PXDN: variants seen among roughly 807,000 people sequenced by gnomAD.
PXDN encodes peroxidasin.
Under a neutral mutation model 140.3 loss-of-function variants are expected in PXDN, and 77 were observed. That is an observed-to-expected ratio of 0.55 (90% CI 0.46 to 0.66). The LOEUF (loss-of-function observed/expected upper bound fraction) is 0.66. Ranked by LOEUF, PXDN falls within the 30% of genes least tolerant of loss-of-function variation. The probability of loss-of-function intolerance (pLI) is 0.00; values close to 1 mark genes in which losing one functional copy is unlikely to be tolerated. For missense variants in PXDN, 1,838 were observed against 2,039.5 expected, an observed-to-expected ratio of 0.90 and a Z score of 1.90; for synonymous variants, 911 against 857.4, an observed-to-expected ratio of 1.06 and a Z score of -1.09.
intron 1 of PXDN, among the ~76,000 whole-genome samples, chr2:1,712,028 C>G (rs1684797771): frequency 6.6e-6 from 1 of 152,020 alleles, no homozygotes; most frequent in Non-Finnish European, 1.5e-5. Context: ...TTTTAAAATT[C>G]TTGTCAATGA....
rs1572160803 is a variant in PXDN, at chr2:1,687,741, C to T, written c.345-38G>A. On this transcript the variant is annotated intron_variant, in intron 3 of 22. Transcript: ENST00000252804. The surrounding 1 kb of genome is among the most constrained non-coding windows in gnomAD (Gnocchi z 4.0). Reference sequence around the variant, plus strand: ...ACATTGGGGAGCATTAGCACACAGACAGGAGGTCAAACTTCAGACGGAAAA... The same window carrying T: ...ACATTGGGGAGCATTAGCACACAGATAGGAGGTCAAACTTCAGACGGAAAA... 2 of 1,425,960 alleles carry T rather than the reference C, an allele frequency of 1.4e-6. No individual in the cohort carries two copies. Among genetic ancestry groups the T allele is most frequent in the Admixed American group, 1.8e-5 (1 of 54,286 alleles). 88.3% of individuals were successfully genotyped at this position (1,425,960 alleles called of 1,614,324 possible).
chr2:1,725,858 C>T (rs1685167438), intron 1 of PXDN, among the ~76,000 whole-genome samples: 1 of 151,998 alleles, frequency 6.6e-6, no homozygotes, highest in Admixed American at 6.6e-5. Flanking sequence ...CAGAGAAATG[C>T]AAATCAAAAC....
At chr2:1,665,588 C>T (rs1486889950) in intron 10 of PXDN, among the ~76,000 whole-genome samples, 4 of 152,196 alleles carry the variant, frequency 2.6e-5, no homozygotes, top group African/African-American at 9.7e-5. Context: ...CACTGCTGTG[C>T]GTGCAGATTC....
intron 9 of PXDN, among the ~76,000 whole-genome samples, chr2:1,669,032 A>G (rs1449817480): frequency 1.3e-5 from 2 of 152,220 alleles, no homozygotes; most frequent in Non-Finnish European, 2.9e-5. Flanking sequence ...TCACAATAGC[A>G]AAGACTTGGA....
intron 6 of PXDN, among the ~76,000 whole-genome samples, chr2:1,682,277 T>C (rs1683924979): frequency 6.6e-6 from 1 of 152,162 alleles, no homozygotes; most frequent in Non-Finnish European, 1.5e-5. Flanking sequence ...CTATCAAATA[T>C]GGAAGTATTC....
rs570325371 is a variant in PXDN, at chr2:1,709,616, C to T, written c.201-16482G>A. Among the ~76,000 whole-genome samples, 17 of 152,320 alleles carry T rather than the reference C, an allele frequency of 1.1e-4. No homozygotes were observed. The East Asian group carries it at 1.2e-3, about 10-fold the overall frequency. ...TGCGCTCCTGACTGCGCTCCCACTC[C>T]GCACCTGCCCGGCCCCAGGAGGCCG... On this transcript the variant is annotated intron_variant, in intron 1 of 22. Transcript: ENST00000252804.
At chr2:1,744,572 T>A (rs1685648585), upstream of PXDN, 4 of 874,396 alleles carry the variant, frequency 4.6e-6, no homozygotes, top group East Asian at 1.2e-4. Context: ...GGGCGCCAGC[T>A]GTGCACATGC....
At chr2:1,705,332 A>ACTCCCCATGAGCCCAGATGCAGGGTGCGG (rs1684570566) in intron 1 of PXDN, among the ~76,000 whole-genome samples, 1 of 152,072 alleles carries the variant, frequency 6.6e-6, no homozygotes, top group South Asian at 2.1e-4. Context: ...GCCATGTGCC[A>ACTCCCCATGAGCCCAGATGCAGGGTGCGG]CTCCCCATGA....
rs754211103 is a variant in PXDN, at chr2:1,691,938, A to T, written c.334T>A (p.Leu112Ile). The T allele has an allele frequency of 4.0e-6, 6 of 1,500,712 alleles. No individual in the cohort carries two copies. The South Asian group carries it at 7.7e-5, about 19-fold the overall frequency. 93.0% of individuals were successfully genotyped at this position (1,500,712 alleles called of 1,614,324 possible). A position where few individuals can be genotyped will look rare whatever the true frequency, so the allele number is the denominator to read the frequency against. ...TGATCATTAACTTACAGATATTTTA[A>T]ATTTTCCAAGTCTTCAAATGCTCCA... ...PSGAFEDLEN[L>I]KYLYLYKNEI... The change falls in exon 3 of 23, where the codon TTA becomes ATA. Residue 112 changes from leucine to isoleucine, a missense_variant. This residue lies in a region of PXDN where 231 missense variants were observed against 201.5 expected (regional missense o/e 1.15). Transcript: ENST00000252804.
chr2:1,633,991 T>G lies in PXDN; in HGVS notation c.*213A>C, dbSNP rs1682479970. 1 of 548,876 alleles carries G rather than the reference T, an allele frequency of 1.8e-6. No homozygotes were observed. Among genetic ancestry groups the G allele is most frequent in the Admixed American group, 3.5e-5 (1 of 28,682 alleles). 34.0% of individuals were successfully genotyped at this position (548,876 alleles called of 1,614,324 possible). On this transcript the variant is annotated 3_prime_UTR_variant, in exon 23 of 23. Coordinates refer to ENST00000252804, the MANE Select transcript of PXDN (RefSeq NM_012293.3). ...CTAACGTGAAGCTAGGACTCCTGCC[T>G]GCTTCCCTTCAGGCACCTGCTGTGC... is the stretch of plus-strand genomic sequence containing the variant.
At chr2:1,658,587 G>C (rs1683225391) in intron 14 of PXDN, among the ~76,000 whole-genome samples, 1 of 151,898 alleles carries the variant, frequency 6.6e-6, no homozygotes, top group Non-Finnish European at 1.5e-5. Context: ...CCTCGCCCTG[G>C]ACCCTTCATC....
In PXDN at chr2:1,660,801, C is replaced by G; in HGVS notation, c.1837+80G>C. The G allele has an allele frequency of 6.7e-7, 1 of 1,500,144 alleles. No homozygotes were observed. Among genetic ancestry groups the G allele is most frequent in the South Asian group, 1.3e-5 (1 of 75,658 alleles). 92.9% of individuals were successfully genotyped at this position (1,500,144 alleles called of 1,614,324 possible). On this transcript the variant is annotated intron_variant, in intron 14 of 22. Transcript: ENST00000252804. The surrounding 1 kb of genome is among the most constrained non-coding windows in gnomAD (Gnocchi z 4.6). The stretch of plus-strand genomic sequence containing the variant: ...AATAATTCTGAACAGCCTAAGTCAA[C>G]TGGCCTGGGACCACACTAGGGACCT...
In PXDN at chr2:1,660,904, A is replaced by G. The variant is rs1683288601; in HGVS notation, c.1814T>C (p.Val605Ala). Residue 605 changes from valine (V) to alanine (A), a missense_variant, in exon 14 of 23, where the codon GTG (valine) becomes GCG (alanine). Val to Ala is a moderately conservative substitution (Grantham distance 64, BLOSUM62 0). Coordinates refer to ENST00000252804, the MANE Select transcript of PXDN (RefSeq NM_012293.3). The surrounding 1 kb of genome is among the most constrained non-coding windows in gnomAD (Gnocchi z 4.6). ...ACCATTCACACTGAGCACCATGCTCACCGAGGCCGACCCAATGGTGTTCCG... is the reference window on the plus strand; with the variant it reads ...ACCATTCACACTGAGCACCATGCTCGCCGAGGCCGACCCAATGGTGTTCCG... ...VARNTIGSAS[V>A]SMVLSVNVPD... 6.2e-7 allele frequency: 1 copy of G among 1,613,382 alleles called. No individual in the cohort carries two copies. The highest frequency in any genetic ancestry group is 8.5e-7 in the Non-Finnish European group (1 of 1,179,698).
chr2:1,718,387 A>G (rs1231476717), intron 1 of PXDN, among the ~76,000 whole-genome samples: 3 of 151,976 alleles, frequency 2.0e-5, no homozygotes, highest in Non-Finnish European at 4.4e-5. Context: ...TACCACCCAA[A>G]CCTACTCTAT....
intron 6 of PXDN, among the ~76,000 whole-genome samples, chr2:1,682,696 T>C (rs766651010): frequency 1.2e-4 from 18 of 152,200 alleles, no homozygotes; most frequent in Non-Finnish European, 2.2e-4. Context: ...TCCCAGCAGT[T>C]TGGGAGCCCA....
chr2:1,649,472 C>A lies in PXDN; in HGVS notation c.2308G>T (p.Val770Leu). The change falls in exon 17 of 23, where the codon GTG becomes TTG. Residue 770 changes from valine to leucine, a missense_variant. Val to Leu is a conservative substitution (Grantham distance 32). Coordinates refer to ENST00000252804, the MANE Select transcript of PXDN (RefSeq NM_012293.3). This position sits in a 1 kb window ranked among gnomAD's most constrained non-coding sequence, Gnocchi z 7.1. ...GGGGTGTTGAAGCCATTCTCGTACA[C>A]GGATTTCAGCAGGCGCTCGAAGGCG... Reference protein sequence around the residue: ...LTAFERLLKSVYENGFNTPRG... With the variant: ...LTAFERLLKSLYENGFNTPRG... The A allele has an allele frequency of 6.2e-7, 1 of 1,613,980 alleles. No individual in the cohort carries two copies. Among genetic ancestry groups the A allele is most frequent in the Non-Finnish European group, 8.5e-7 (1 of 1,179,890 alleles).
intron 1 of PXDN, among the ~76,000 whole-genome samples, chr2:1,734,812 A>G (rs1332502774): frequency 6.6e-6 from 1 of 152,248 alleles, no homozygotes; most frequent in East Asian, 1.9e-4. Context: ...GGTTGCAGTG[A>G]GGCAAGATTG....
At position 1,648,340 on chromosome 2, in the gene PXDN, G is replaced by A. The variant is rs745382335; in HGVS notation, c.3440C>T (p.Ala1147Val). 11 of 1,613,666 alleles carry A rather than the reference G, an allele frequency of 6.8e-6. No individual in the cohort carries two copies. The highest frequency in any genetic ancestry group is 8.5e-6 in the Non-Finnish European group (10 of 1,179,902). The change falls in exon 17 of 23, where the codon GCA (alanine) becomes GTA (valine). Residue 1147 changes from alanine (A) to valine (V), a missense_variant. Physicochemically the swap from Ala to Val is moderately conservative, Grantham distance 64. This residue lies in a region of PXDN where 850 missense variants were observed against 894.1 expected (regional missense o/e 0.95). Transcript: ENST00000252804. The surrounding 1 kb of genome is among the most constrained non-coding windows in gnomAD (Gnocchi z 8.9). ...CGCCAGGTCCAGAGCCACCGTGTGT[G>A]CCATGGAGAACAGCCGCTCCGTGAG... Reference protein sequence around the residue: ...TELTERLFSMAHTVALDLAAI... With the variant: ...TELTERLFSMVHTVALDLAAI...
intron 16 of PXDN, chr2:1,653,270 C>T: frequency 2.8e-6 from 1 of 352,864 alleles, no homozygotes. Flanking sequence ...CAACGTCACT[C>T]AGGGAGCAAG....
Sources: allele counts gnomAD v4.1 joint callset (sites outside exome capture counted in the v4.1 genomes callset), GRCh38; gene constraint gnomAD v4.1.1; regional missense constraint gnomAD v4.1.1; non-coding constraint Gnocchi (gnomAD v3.1); transcripts MANE v1.5; gene names NCBI Gene and HGNC (gene_info 2026-07-23, HGNC 2026-07-21).